The following PCDH15 variants were observed in gnomAD, a reference collection of about 807,000 sequenced individuals.
PCDH15 encodes the protein protocadherin-15.
PCDH15 carries 129 observed loss-of-function variants against 178.5 expected under a neutral mutation model. That is an observed-to-expected ratio of 0.72 (90% confidence interval 0.63 to 0.84). PCDH15 has a LOEUF of 0.84. Ranked by LOEUF, PCDH15 falls within the 40% of genes least tolerant of loss-of-function variation. The pLI is 0.00. For synonymous variants in PCDH15, 800 were observed against 732.0 expected (o/e 1.09, Z -1.50); for missense variants, 2,230 against 2,099.9 (o/e 1.06, Z -1.21).
intron 1 of PCDH15, among the ~76,000 whole-genome samples, chr10:55,198,472 A>C (rs1840153698): frequency 6.6e-6 from 1 of 152,072 alleles, no homozygotes; most frequent in Admixed American, 6.5e-5. Flanking sequence ...CTGCTTTTAA[A>C]AAATAAGTTA....
intron 9 of PCDH15, among the ~76,000 whole-genome samples, chr10:54,214,518 C>T (rs2051791003): frequency 6.6e-6 from 1 of 152,082 alleles, no homozygotes; most frequent in Admixed American, 6.5e-5. Context: ...AGATTAATAT[C>T]AAGCTAATAA....
chr10:54,540,745 T>TG (rs2085119265), intron 2 of PCDH15, among the ~76,000 whole-genome samples: 1 of 152,072 alleles, frequency 6.6e-6, no homozygotes, highest in South Asian at 2.1e-4. Context: ...TGAACATAGA[T>TG]GCAAAAATCT....
intron 1 of PCDH15, among the ~76,000 whole-genome samples, chr10:54,678,895 A>G (rs917260899): frequency 6.6e-6 from 1 of 152,238 alleles, no homozygotes; most frequent in Non-Finnish European, 1.5e-5. Context: ...ATGTGAATTT[A>G]AAAACATACA....
rs150082073 is a variant in PCDH15 at position 55,237,996 on chromosome 10, C to A, written c.-155-71345G>T. ...CAAAAGAGACCGTACAAATTCAAGT[C>A]TTTTTATCATTTGAATTTAAATACA... On this transcript the variant is annotated intron_variant, in intron 1 of 5. Coordinates refer to the PCDH15 transcript ENST00000458638. 8.6e-5 allele frequency among the ~76,000 whole-genome samples: 13 copies of A among 151,936 alleles called. No homozygotes were observed. In the East Asian group the frequency reaches 1.5e-3, roughly 18 times the overall value.
chr10:54,504,933 T>A (rs2081040538), intron 3 of PCDH15, among the ~76,000 whole-genome samples: 1 of 152,124 alleles, frequency 6.6e-6, no homozygotes, highest in Non-Finnish European at 1.5e-5. Context: ...ATTTATAATG[T>A]CAATTATTAA....
At chr10:54,385,840 A>G (rs1368950351) in intron 3 of PCDH15, among the ~76,000 whole-genome samples, 1 of 152,154 alleles carries the variant, frequency 6.6e-6, no homozygotes, top group Non-Finnish European at 1.5e-5. Context: ...GATGATGAAA[A>G]TCATTTTACA....
At chr10:55,103,382 G>GT (rs1194883965) in intron 2 of PCDH15, among the ~76,000 whole-genome samples, 5 of 152,118 alleles carry the variant, frequency 3.3e-5, no homozygotes, top group African/African-American at 1.2e-4. Flanking sequence ...TAGTTCCTCT[G>GT]TTGGGGTATC....
At chr10:55,391,484 G>T (rs972892184) in intron 2 of PCDH15, among the ~76,000 whole-genome samples, 5 of 151,662 alleles carry the variant, frequency 3.3e-5, no homozygotes, top group Non-Finnish European at 7.4e-5. Context: ...GTAGCAATTT[G>T]CTTCTTTTTT....
intron 1 of PCDH15, among the ~76,000 whole-genome samples, chr10:55,240,958 T>C (rs1841525320): frequency 6.6e-6 from 1 of 152,220 alleles, no homozygotes; most frequent in Admixed American, 6.5e-5. Context: ...GGCTCAGGCC[T>C]GTAATCCCAG....
chr10:55,067,596 A>G (rs1841598655), intron 2 of PCDH15, among the ~76,000 whole-genome samples: 2 of 151,136 alleles, frequency 1.3e-5, no homozygotes, highest in Admixed American at 1.3e-4. Context: ...ATAAATACCC[A>G]AATACCCAGT....
chr10:54,147,006 G>GTGTA (rs2044039225), intron 14 of PCDH15, among the ~76,000 whole-genome samples: 1 of 135,772 alleles, frequency 7.4e-6, no homozygotes, highest in Non-Finnish European at 1.6e-5. Context: ...TATATATAGT[G>GTGTA]TATATATAAT....
intron 3 of PCDH15, among the ~76,000 whole-genome samples, chr10:54,515,187 T>C (rs1268701773): frequency 6.6e-6 from 1 of 152,162 alleles, no homozygotes; most frequent in Non-Finnish European, 1.5e-5. Flanking sequence ...ATTGCTTCAC[T>C]CAGGAAACTC....
intron 3 of PCDH15, among the ~76,000 whole-genome samples, chr10:54,459,900 G>A (rs1565332318): frequency 6.6e-6 from 1 of 151,926 alleles, no homozygotes; most frequent in Admixed American, 6.6e-5. Context: ...GTCAAATCTT[G>A]CTCTTAATGT....
At chr10:55,618,432 A>G (rs1478136990) in intron 2 of PCDH15, among the ~76,000 whole-genome samples, 1 of 152,058 alleles carries the variant, frequency 6.6e-6, no homozygotes, top group Admixed American at 6.6e-5. Flanking sequence ...TGTTACTTAA[A>G]TAAATATTCA....
chr10:54,302,596 C>A (rs900538538), intron 8 of PCDH15, among the ~76,000 whole-genome samples: 2 of 152,084 alleles, frequency 1.3e-5, no homozygotes, highest in African/African-American at 4.8e-5. Context: ...TCTACTGGTG[C>A]CTTTATCTTA....
intron 2 of PCDH15, among the ~76,000 whole-genome samples, chr10:55,007,184 C>T (rs905634965): frequency 6.6e-6 from 1 of 152,150 alleles, no homozygotes; most frequent in Non-Finnish European, 1.5e-5. Flanking sequence ...GAGTCAATTA[C>T]ACCTCTTTTC....
chr10:53,924,500 C>G (rs1432583847), intron 25 of PCDH15, among the ~76,000 whole-genome samples: 4 of 150,874 alleles, frequency 2.7e-5, no homozygotes, highest in African/African-American at 4.9e-5. Context: ...GCCTCCCCAA[C>G]GAGCACCACC....
chr10:54,401,049 A>C (rs910428517), intron 3 of PCDH15, among the ~76,000 whole-genome samples: 1 of 151,956 alleles, frequency 6.6e-6, no homozygotes, highest in Admixed American at 6.6e-5. Flanking sequence ...AACCATTCAT[A>C]ATTAAGAAAT....
At chr10:55,502,900 T>C (rs932582863) in intron 2 of PCDH15, among the ~76,000 whole-genome samples, 1 of 151,630 alleles carries the variant, frequency 6.6e-6, no homozygotes, top group African/African-American at 2.4e-5. Context: ...TCTCAGTAGG[T>C]TAATTTTTAA....
Sources: gnomAD v4.1 joint callset for allele counts (sites outside exome capture counted in the v4.1 genomes callset) on GRCh38, gnomAD v4.1.1 for gene constraint, MANE v1.5 for transcripts, NCBI Gene and HGNC (gene_info 2026-07-23, HGNC 2026-07-21) for gene names.